PHAF1: variants seen among roughly 807,000 people sequenced by gnomAD.
The protein encoded by PHAF1 is phagophore assembly factor 1.
PHAF1 carries 23 observed loss-of-function variants against 63.1 expected under a neutral mutation model. The ratio of observed to expected loss-of-function variants is 0.36; its 90% CI spans 0.26 to 0.52. The LOEUF (loss-of-function observed/expected upper bound fraction) is 0.52, where lower values mean the gene tolerates loss of function less well. Among genes scored for constraint, PHAF1 ranks in the 20% least tolerant of loss-of-function variants. The pLI, the probability that PHAF1 is intolerant of heterozygous loss-of-function variation, is 0.93. For synonymous variants in PHAF1, 167 were observed against 185.0 expected, an observed-to-expected ratio of 0.90 and a Z score of 0.79; for missense variants, 427 against 517.2, an observed-to-expected ratio of 0.83 and a Z score of 1.69.
At chr16:67,127,795 C>CA (rs907156115) in intron 3 of PHAF1, among the ~76,000 whole-genome samples, 3,263 of 137,528 alleles carry the variant, frequency 0.024, 101 homozygotes, top group African/African-American at 0.079. Context: ...GACTCCGTCT[C>CA]AAAAAAAAAA....
At chr16:67,126,429 G>T (rs545899885) in intron 3 of PHAF1, among the ~76,000 whole-genome samples, 1 of 152,262 alleles carries the variant, frequency 6.6e-6, no homozygotes, top group Non-Finnish European at 1.5e-5. Context: ...TTCCTAGAAT[G>T]CTGGGGCTTG....
In PHAF1 at chr16:67,120,135, G is replaced by C; in HGVS notation, c.88G>C (p.Ala30Pro). ...AGGAATGCCTCTGGCTCAGGCAGTA[G>C]CCATTCTTCAGAAGCACTGTCGCAT... ...TLGMPLAQAV[A>P]ILQKHCRIIK... Residue 30 changes from alanine to proline, a missense_variant, in exon 2 of 16, where the codon GCC (alanine) becomes CCC (proline). Coordinates refer to ENST00000219139, the MANE Select transcript of PHAF1 (RefSeq NM_025187.5). 1 of 1,614,074 alleles carries C rather than the reference G, an allele frequency of 6.2e-7. No homozygotes were observed. Among genetic ancestry groups the C allele is most frequent in the Non-Finnish European group, 8.5e-7 (1 of 1,179,986 alleles).
At chr16:67,129,005 A>C (rs1211085730) in intron 3 of PHAF1, among the ~76,000 whole-genome samples, 3 of 152,118 alleles carry the variant, frequency 2.0e-5, no homozygotes, top group African/African-American at 7.2e-5. Context: ...AGCTGTAGGG[A>C]TAGAAGTGAG....
intron 1 of PHAF1, among the ~76,000 whole-genome samples, chr16:67,116,619 G>C (rs990365836): frequency 6.6e-6 from 1 of 152,206 alleles, no homozygotes; most frequent in African/African-American, 2.4e-5. Flanking sequence ...GAAAGCGGAG[G>C]TGGGAGGATT....
rs1209112708 is a variant in PHAF1, at chr16:67,110,099, C to T, written c.-77C>T. Reference sequence around the variant, plus strand: ...CGGGCCGGCGGGGGCGGCCTGTCAGCCGCTGCTTTGTCTCCTTAGCTCGGG... The same window carrying T: ...CGGGCCGGCGGGGGCGGCCTGTCAGTCGCTGCTTTGTCTCCTTAGCTCGGG... On this transcript the variant is annotated 5_prime_UTR_variant, in exon 1 of 16. Coordinates refer to ENST00000219139, the MANE Select transcript of PHAF1 (RefSeq NM_025187.5). 3 of 1,476,808 alleles carry T rather than the reference C, an allele frequency of 2.0e-6. No homozygotes were observed. Among genetic ancestry groups the T allele is most frequent in the Admixed American group, 2.1e-5 (1 of 46,970 alleles). The allele number at this position is 1,476,808 out of a possible 1,614,324, so 91.5% of individuals were successfully genotyped here.
Position 67,147,308 on chromosome 16 carries a change from A to C in PHAF1, c.*177A>C, listed in dbSNP as rs2030187044. 1 of 589,146 alleles carries C rather than the reference A, an allele frequency of 1.7e-6. No individual in the cohort carries two copies. Among genetic ancestry groups the C allele is most frequent in the African/African-American group, 1.9e-5 (1 of 53,368 alleles). The allele number at this position is 589,146 out of a possible 1,614,324, so 36.5% of individuals were successfully genotyped here. A position where few individuals can be genotyped will look rare whatever the true frequency, so the allele number is the denominator to read the frequency against. ...CTGCCATGGGCTGAGTGGCCCAGAT[A>C]TTCTTCTGTCCATCTTTGGCCTGCT... On this transcript the variant is annotated 3_prime_UTR_variant, in exon 16 of 16. Coordinates refer to ENST00000219139, the MANE Select transcript of PHAF1 (RefSeq NM_025187.5).
intron 8 of PHAF1, among the ~76,000 whole-genome samples, chr16:67,136,707 G>A (rs891435778): frequency 2.0e-5 from 3 of 151,520 alleles, no homozygotes; most frequent in South Asian, 2.1e-4. Flanking sequence ...CTCAGCCTCC[G>A]AAGAAACTGG....
At chr16:67,139,756 G>C in intron 8 of PHAF1, 1 of 544,992 alleles carries the variant, frequency 1.8e-6, no homozygotes, top group Non-Finnish European at 3.2e-6. Flanking sequence ...GAAGTATCCA[G>C]AGCTTCATGT....
intron 1 of PHAF1, among the ~76,000 whole-genome samples, chr16:67,116,481 T>C (rs1962735755): frequency 2.0e-5 from 3 of 152,238 alleles, no homozygotes; most frequent in Admixed American, 2.0e-4. Flanking sequence ...GATGAAGCCA[T>C]GGTCCCTTTT....
At position 67,141,240 on chromosome 16, in the gene PHAF1, G is replaced by A. The variant is rs887083715; in HGVS notation, c.879+646G>A. Among the ~76,000 whole-genome samples the A allele has an allele frequency of 5.3e-5, 8 of 152,302 alleles. No individual in the cohort carries two copies. The South Asian group carries it at 1.4e-3, about 28-fold the overall frequency. On this transcript the variant is annotated intron_variant, in intron 10 of 15. Coordinates refer to ENST00000219139, the MANE Select transcript of PHAF1 (RefSeq NM_025187.5). ...ACAGTAGATTTCACAGAGGGAGTGA[G>A]GAGAGACTGAGTCTGCCTAAGTGGG...
intron 8 of PHAF1, among the ~76,000 whole-genome samples, chr16:67,136,564 T>C (rs1963616493): frequency 6.9e-6 from 1 of 145,618 alleles, no homozygotes; most frequent in African/African-American, 2.6e-5. Context: ...CTTTTTTTTT[T>C]TTTTTTTTTT....
chr16:67,125,391 G>C (rs1243064860), intron 2 of PHAF1, among the ~76,000 whole-genome samples: 3 of 152,192 alleles, frequency 2.0e-5, no homozygotes, highest in Admixed American at 6.5e-5. Flanking sequence ...AAAAGGATAA[G>C]AGGGTCATCT....
At chr16:67,134,672 G>A (rs1296870379) in intron 8 of PHAF1, 2 of 667,558 alleles carry the variant, frequency 3.0e-6, no homozygotes, top group Non-Finnish European at 5.5e-6. Context: ...GGCAGATTCA[G>A]TATCTGGATG....
At chr16:67,129,020 G>A (rs1567645338) in intron 3 of PHAF1, among the ~76,000 whole-genome samples, 4 of 152,240 alleles carry the variant, frequency 2.6e-5, no homozygotes, top group Admixed American at 6.5e-5. Flanking sequence ...AGTGAGGGAG[G>A]TGAGTGCCTG....
chr16:67,143,700 G>A (rs1010623901), intron 10 of PHAF1, among the ~76,000 whole-genome samples: 5 of 152,160 alleles, frequency 3.3e-5, no homozygotes, highest in African/African-American at 7.2e-5. Context: ...CTGCCCTCAC[G>A]GAGCTTATAT....
Position 67,125,982 on chromosome 16 carries a change from T to C in PHAF1, c.171T>C (p.Ile57=). Residue 57 remains isoleucine (I), a synonymous_variant, in exon 3 of 16, where the codon ATT becomes ATC. Transcript: ENST00000219139. ...SEQSPLSHDL[I]LNLTQDGIKL... Reference sequence around the variant, plus strand: ...AGTCTCCTCTAAGCCATGACCTCATTCTTAACCTGACTCAGGACGGGATCA... The same window carrying C: ...AGTCTCCTCTAAGCCATGACCTCATCCTTAACCTGACTCAGGACGGGATCA... The C allele has an allele frequency of 6.2e-7, 1 of 1,612,630 alleles. No individual in the cohort carries two copies. The highest frequency in any genetic ancestry group is 1.6e-4 in the Middle Eastern group (1 of 6,062).
intron 8 of PHAF1, 48 bp downstream of exon 8, chr16:67,134,515 T>A (rs1279100526): frequency 6.8e-7 from 1 of 1,464,692 alleles, no homozygotes; most frequent in African/African-American, 1.4e-5. Context: ...ATACCCATGT[T>A]GAGACAGTCT....
In PHAF1 at chr16:67,118,766, C is replaced by CTT. The variant is rs910658530; in HGVS notation, c.65-1321_65-1320dup. The stretch of plus-strand genomic sequence containing the variant: ...ATTCTGGTGGATGAGTGATCTTAAA[C>CTT]TTTTTTTTTTTTTTTTTTTTTTTTT... On this transcript the variant is annotated intron_variant, in intron 1 of 15. Coordinates refer to ENST00000219139, the MANE Select transcript of PHAF1 (RefSeq NM_025187.5). Among the ~76,000 whole-genome samples the CTT allele has an allele frequency of 9.7e-4, 97 of 100,016 alleles. 3 individuals carry two copies. The highest frequency in any genetic ancestry group is 1.3e-3 in the Non-Finnish European group (67 of 52,274). The allele number at this position is 100,016 out of a possible 152,430, so 65.6% of individuals were successfully genotyped here.
intron 3 of PHAF1, among the ~76,000 whole-genome samples, chr16:67,130,216 T>A (rs1202838968): frequency 6.6e-6 from 1 of 151,742 alleles, no homozygotes; most frequent in East Asian, 1.9e-4. Flanking sequence ...CTGGCTAATT[T>A]TTTGTATTTT....
Sources: allele counts gnomAD v4.1 joint callset (sites outside exome capture counted in the v4.1 genomes callset), GRCh38; gene constraint gnomAD v4.1.1; transcripts MANE v1.5; gene names NCBI Gene and HGNC (gene_info 2026-07-23, HGNC 2026-07-21).